LPP: variants seen among roughly 807,000 people sequenced by gnomAD.
LPP encodes the protein lipoma-preferred partner.
Under a neutral mutation model 60.4 loss-of-function variants are expected in LPP, and 38 were observed. That is an observed-to-expected ratio of 0.63 (90% confidence interval 0.49 to 0.83). The LOEUF is 0.83. Among genes scored for constraint, LPP ranks in the 40% least tolerant of loss-of-function variants. The probability of loss-of-function intolerance (pLI) is 0.00; values close to 1 mark genes in which losing one functional copy is unlikely to be tolerated. For synonymous variants in LPP, 328 were observed against 290.8 expected, an observed-to-expected ratio of 1.13 and a Z score of -1.30; for missense variants, 902 against 783.6, an observed-to-expected ratio of 1.15 and a Z score of -1.80.
At chr3:188,426,861 G>T (rs1281132321) in intron 4 of LPP, among the ~76,000 whole-genome samples, 1 of 152,052 alleles carries the variant, frequency 6.6e-6, no homozygotes, top group Admixed American at 6.5e-5. Context: ...ATGTGAGATG[G>T]ATCTCTTGAA....
intron 1 of LPP, among the ~76,000 whole-genome samples, chr3:188,195,797 G>A (rs1271187524): frequency 6.6e-6 from 1 of 152,192 alleles, no homozygotes; most frequent in East Asian, 1.9e-4. Flanking sequence ...TTTTAAAAAT[G>A]TGGCTGCAGG....
chr3:188,574,872 C>G (rs1453935062), intron 6 of LPP, among the ~76,000 whole-genome samples: 7 of 152,122 alleles, frequency 4.6e-5, no homozygotes, highest in Admixed American at 4.6e-4. Flanking sequence ...CCCCTTCAAA[C>G]TGCTCACTTT....
chr3:188,286,466 G>A (rs9840345), intron 2 of LPP, among the ~76,000 whole-genome samples: 98,308 of 152,026 alleles, frequency 0.65, 32,417 homozygotes, highest in African/African-American at 0.75. Flanking sequence ...AAGTCCTCTC[G>A]GATCCTCTAT....
At chr3:188,476,643 T>A (rs1471574413) in intron 4 of LPP, among the ~76,000 whole-genome samples, 1 of 152,216 alleles carries the variant, frequency 6.6e-6, no homozygotes, top group Non-Finnish European at 1.5e-5. Flanking sequence ...TAGTCCTTCC[T>A]TTTAATTAAT....
At chr3:188,547,786 A>C (rs1190604130) in intron 6 of LPP, among the ~76,000 whole-genome samples, 2 of 152,024 alleles carry the variant, frequency 1.3e-5, no homozygotes, top group Admixed American at 1.3e-4. Flanking sequence ...GTAGCTGGGG[A>C]CTCTGTTCAA....
At chr3:188,422,418 T>C (rs1788046100) in intron 4 of LPP, among the ~76,000 whole-genome samples, 1 of 152,202 alleles carries the variant, frequency 6.6e-6, no homozygotes, top group Non-Finnish European at 1.5e-5. Context: ...TTTGCTTTTA[T>C]GTCTTTGCTA....
chr3:188,466,826 T>G (rs1579121753), intron 4 of LPP, among the ~76,000 whole-genome samples: 1 of 123,116 alleles, frequency 8.1e-6, no homozygotes, highest in African/African-American at 3.1e-5. Flanking sequence ...TATATATATA[T>G]ATATATATAT....
chr3:188,272,135 A>G (rs562217389), intron 2 of LPP, among the ~76,000 whole-genome samples: 4 of 152,312 alleles, frequency 2.6e-5, no homozygotes, highest in Admixed American at 2.6e-4. Flanking sequence ...CAGCTGTGCC[A>G]CGAGTTTGCT....
chr3:188,307,987 C>T (rs1752094646), intron 2 of LPP, among the ~76,000 whole-genome samples: 1 of 152,096 alleles, frequency 6.6e-6, no homozygotes, highest in Non-Finnish European at 1.5e-5. Flanking sequence ...ACGGGTAACA[C>T]ATTCGTATTA....
At chr3:188,483,458 T>A (rs2149659299) in intron 4 of LPP, among the ~76,000 whole-genome samples, 1 of 152,290 alleles carries the variant, frequency 6.6e-6, no homozygotes, top group South Asian at 2.1e-4. Context: ...AGGCTACTCC[T>A]CCATAAATAG....
Position 188,886,511 on chromosome 3 carries a change from G to A in LPP, c.*12032G>A, listed in dbSNP as rs897243430. On this transcript the variant is annotated 3_prime_UTR_variant, in exon 12 of 12. Coordinates refer to ENST00000617246, the MANE Select transcript of LPP (RefSeq NM_001375462.1). ...AGAGACTCACATGGGTGGAATCTGT[G>A]TTGTCTCATCAGAGGGAATAAAAAG... 3 of 189,674 alleles carry A rather than the reference G, an allele frequency of 1.6e-5. No homozygotes were observed. Among genetic ancestry groups the A allele is most frequent in the African/African-American group, 7.5e-5 (3 of 40,078 alleles). The allele number at this position is 189,674 out of a possible 1,614,324, so 11.7% of individuals were successfully genotyped here. A position where few individuals can be genotyped will look rare whatever the true frequency, so the allele number is the denominator to read the frequency against.
intron 2 of LPP, among the ~76,000 whole-genome samples, chr3:188,240,533 A>G (rs2149451260): frequency 6.6e-6 from 1 of 152,212 alleles, no homozygotes; most frequent in African/African-American, 2.4e-5. Context: ...AGGGAAGGAA[A>G]CTGATGTGCC....
At chr3:188,237,142 A>G (rs557239787) in intron 2 of LPP, among the ~76,000 whole-genome samples, 102 of 152,264 alleles carry the variant, frequency 6.7e-4, no homozygotes, top group Admixed American at 1.8e-3. Flanking sequence ...ATCTCAGGAA[A>G]CCATTTTCTC....
intron 7 of LPP, among the ~76,000 whole-genome samples, chr3:188,641,124 T>G (rs925588286): frequency 4.0e-5 from 6 of 151,876 alleles, no homozygotes; most frequent in African/African-American, 1.4e-4. Flanking sequence ...CATTTCTGAT[T>G]TGCAGGAAAC....
chr3:188,249,833 C>CAT (rs1383609299), intron 2 of LPP, among the ~76,000 whole-genome samples: 1 of 116,484 alleles, frequency 8.6e-6, no homozygotes, highest in Non-Finnish European at 1.7e-5. Context: ...TCTGTCTACA[C>CAT]ACACACACAC....
chr3:188,222,446 G>T (rs572532329), intron 1 of LPP, among the ~76,000 whole-genome samples: 17 of 152,244 alleles, frequency 1.1e-4, no homozygotes, highest in Middle Eastern at 3.4e-3. Context: ...CCCAGGAAAT[G>T]GTTGCATACA....
Position 188,262,384 on chromosome 3 carries a change from A to G in LPP, c.-67+36857A>G, listed in dbSNP as rs1360053940. 2.6e-5 allele frequency among the ~76,000 whole-genome samples: 4 copies of G among 152,106 alleles called. No homozygotes were observed. In the East Asian group the frequency reaches 7.7e-4, roughly 29 times the overall value. ...ACTCATGTATAGGTTTTCAATATACAGGAAACTATAAAATGAAAAGGATTG... is the reference window on the plus strand; with the variant it reads ...ACTCATGTATAGGTTTTCAATATACGGGAAACTATAAAATGAAAAGGATTG... On this transcript the variant is annotated intron_variant, in intron 2 of 11. Coordinates refer to ENST00000617246, the MANE Select transcript of LPP (RefSeq NM_001375462.1).
At chr3:188,596,729 G>A (rs1053446703) in intron 6 of LPP, among the ~76,000 whole-genome samples, 1 of 152,006 alleles carries the variant, frequency 6.6e-6, no homozygotes, top group Admixed American at 6.6e-5. Flanking sequence ...AGAAAATTTT[G>A]CTCATGGAAT....
At chr3:188,603,850 T>C (rs1841910729) in intron 6 of LPP, among the ~76,000 whole-genome samples, 1 of 152,154 alleles carries the variant, frequency 6.6e-6, no homozygotes, top group Non-Finnish European at 1.5e-5. Context: ...ATTTTGTATA[T>C]TCCTTGGCCA....
Sources: allele counts gnomAD v4.1 joint callset (sites outside exome capture counted in the v4.1 genomes callset), GRCh38; gene constraint gnomAD v4.1.1; transcripts MANE v1.5; gene names NCBI Gene and HGNC (gene_info 2026-07-23, HGNC 2026-07-21).